Variants in LRRC71 observed in about 807,000 individuals in gnomAD.
LRRC71 encodes leucine-rich repeat-containing protein 71.
A neutral mutation model predicts 66.6 loss-of-function variants in LRRC71; 54 were observed. The observed-to-expected ratio is 0.81, with a 90% CI of 0.65 to 1.02. The LOEUF (loss-of-function observed/expected upper bound fraction) is 1.02. Among genes scored for constraint, LRRC71 ranks in the 50% least tolerant of loss-of-function variants. LRRC71 has a pLI of 0.00. For synonymous variants in LRRC71, 323 were observed against 303.9 expected (o/e 1.06, Z -0.65); for missense variants, 724 against 718.0 (o/e 1.01, Z -0.10).
the LRRC71 span, chr1:156,938,808 G>C: frequency 2.4e-6 from 1 of 411,582 alleles, no homozygotes. Flanking sequence ...TGGAATCCCA[G>C]GGGAGGGCAG....
rs991260805 is a variant in LRRC71, at chr1:156,931,902, T to C, written c.1330-14T>C. The C allele has an allele frequency of 6.4e-7, 1 of 1,562,472 alleles. No homozygotes were observed. Among genetic ancestry groups the C allele is most frequent in the African/African-American group, 1.4e-5 (1 of 73,782 alleles). ...CCCCTGCTGTCTGCTGCAATTAGTA[T>C]TCTGCTTTAGCAGCTGGTTGTTGAG... On this transcript the variant is annotated splice_polypyrimidine_tract_variant and intron_variant, in intron 12 of 14. Transcript: ENST00000337428.
chr1:156,925,863 A>G (rs186102173), intron 5 of LRRC71, among the ~76,000 whole-genome samples: 18 of 152,366 alleles, frequency 1.2e-4, no homozygotes, highest in Admixed American at 4.6e-4. Flanking sequence ...TCTGTGTAAA[A>G]CACCATGAAA....
chr1:156,936,497 A>AATATATATATAT (rs1553192804), downstream of LRRC71, among the ~76,000 whole-genome samples: 68 of 33,894 alleles, frequency 2.0e-3, no homozygotes, highest in South Asian at 4.9e-3. Flanking sequence ...AAAAAAAAAA[A>AATATATATATAT]ATATATATAT....
chr1:156,939,869 C>A, the LRRC71 span: 1 of 1,610,064 alleles, frequency 6.2e-7, no homozygotes, highest in Non-Finnish European at 8.5e-7. Flanking sequence ...ATGGTGTGAC[C>A]TGGCAGCAGG....
At chr1:156,937,165 C>T (rs932794281), downstream of LRRC71, 22 of 1,591,356 alleles carry the variant, frequency 1.4e-5, no homozygotes, top group Admixed American at 5.2e-5. Flanking sequence ...AGGGCTCCCG[C>T]GAAGACACAC....
the LRRC71 span, chr1:156,940,108 A>T: frequency 7.0e-7 from 1 of 1,437,274 alleles, no homozygotes; most frequent in Non-Finnish European, 9.4e-7. Context: ...GCACACCAGG[A>T]AGAGCCTTCG....
chr1:156,925,343 G>A (rs541577646), intron 5 of LRRC71, among the ~76,000 whole-genome samples: 1 of 152,336 alleles, frequency 6.6e-6, no homozygotes, highest in Admixed American at 6.5e-5. Flanking sequence ...GCCCTGTACT[G>A]GGGGCTGGTA....
chr1:156,930,511 C>T lies in LRRC71; in HGVS notation c.1241-18C>T. The T allele has an allele frequency of 6.5e-7, 1 of 1,550,360 alleles. No individual in the cohort carries two copies. Among genetic ancestry groups the T allele is most frequent in the Non-Finnish European group, 8.7e-7 (1 of 1,145,232 alleles). ...CAGAAGTGTGCACTGTGCATTCTGGCTCCTCTTCTGGCCCCAGAGGTAACC... is the reference window on the plus strand; with the variant it reads ...CAGAAGTGTGCACTGTGCATTCTGGTTCCTCTTCTGGCCCCAGAGGTAACC... On this transcript the variant is annotated intron_variant, in intron 11 of 14. Coordinates refer to ENST00000337428, the MANE Select transcript of LRRC71 (RefSeq NM_144702.3).
rs1215970425 is a variant in LRRC71, at chr1:156,930,584, CAG to C, written c.1302_1303del (p.Lys435AlafsTer12). 1.9e-6 allele frequency: 3 copies of C among 1,568,948 alleles called. No homozygotes were observed. Among genetic ancestry groups the C allele is most frequent in the Admixed American group, 3.8e-5 (2 of 53,242 alleles). On this transcript the variant is annotated frameshift_variant, in exon 12 of 15. Transcript: ENST00000337428. LOFTEE classifies it high-confidence loss of function. ...GGGCAAAAGGGATCAAGATCGGGAG[CAG>C]AGAGAAGCGCAGCATCCTCCTGGAG... ...SRAKGIKIGS[R>X]EKRSILLESE...
rs1456881388 is a variant in LRRC71, at chr1:156,933,027, G to A, written c.*58G>A. The A allele has an allele frequency of 7.6e-7, 1 of 1,315,638 alleles. No individual in the cohort carries two copies. Among genetic ancestry groups the A allele is most frequent in the African/African-American group, 1.5e-5 (1 of 67,666 alleles). 81.5% of individuals were successfully genotyped at this position (1,315,638 alleles called of 1,614,324 possible). On this transcript the variant is annotated 3_prime_UTR_variant, in exon 15 of 15. Coordinates refer to ENST00000337428, the MANE Select transcript of LRRC71 (RefSeq NM_144702.3). ...GGCTACAGAAGCACCTCCTGTCCCT[G>A]TGTGGGGTGACCTCCCTGGGGGAGA...
In LRRC71 at chr1:156,924,567, C is replaced by T; in HGVS notation, c.439+15C>T. On this transcript the variant is annotated intron_variant, in intron 3 of 14. Transcript: ENST00000337428. ...CTACATCCGCGGTGAGCCCCGCTCC[C>T]CCCACCCGCCCCAGCTCCCTCCCGC... The T allele has an allele frequency of 6.4e-7, 1 of 1,551,536 alleles. No individual in the cohort carries two copies. The highest frequency in any genetic ancestry group is 8.7e-7 in the Non-Finnish European group (1 of 1,146,896).
the LRRC71 span, among the ~76,000 whole-genome samples, chr1:156,938,265 C>T: frequency 3.3e-5 from 5 of 152,154 alleles, no homozygotes; most frequent in South Asian, 2.1e-4. Flanking sequence ...CAGATCTCCC[C>T]GTCTTTAGAG....
chr1:156,929,620 C>A lies in LRRC71; in HGVS notation c.1147-16C>A. ...CGGAGGTGGGACTTGCCCCTCTCTT[C>A]TCACATTCTCCACAGGAATTGGCCA... is the stretch of plus-strand genomic sequence containing the variant. On this transcript the variant is annotated splice_polypyrimidine_tract_variant and intron_variant, in intron 10 of 14. Transcript: ENST00000337428. The A allele has an allele frequency of 6.4e-7, 1 of 1,572,760 alleles. No individual in the cohort carries two copies. The highest frequency in any genetic ancestry group is 8.6e-7 in the Non-Finnish European group (1 of 1,159,336).
chr1:156,937,979 G>A (rs1250013033), downstream of LRRC71, among the ~76,000 whole-genome samples: 1 of 152,228 alleles, frequency 6.6e-6, no homozygotes, highest in Non-Finnish European at 1.5e-5. Context: ...GAGAGCTGGA[G>A]GAAGGACGTG....
chr1:156,927,741 G>C lies in LRRC71; in HGVS notation c.831G>C (p.Arg277=), dbSNP rs774507091. Residue 277 remains arginine (R), a synonymous_variant, in exon 8 of 15, where the codon CGG becomes CGC. Transcript: ENST00000337428. Reference sequence around the variant, plus strand: ...CCCTGCCCGCCTCTTAGGGCCTCCGGCTGAACCGTTCCCTGCTCTGGCTGT... The same window carrying C: ...CCCTGCCCGCCTCTTAGGGCCTCCGCCTGAACCGTTCCCTGCTCTGGCTGT... ...EGAGYIADGL[R]LNRSLLWLSL... 1.9e-6 allele frequency: 3 copies of C among 1,609,550 alleles called. No individual in the cohort carries two copies. The highest frequency in any genetic ancestry group is 2.5e-6 in the Non-Finnish European group (3 of 1,179,728).
At chr1:156,934,452 G>A (rs1370933644), downstream of LRRC71, among the ~76,000 whole-genome samples, 1 of 152,102 alleles carries the variant, frequency 6.6e-6, no homozygotes, top group African/African-American at 2.4e-5. Context: ...GGCTTTTAAA[G>A]TCTTCAAGCT....
chr1:156,922,808 C>G (rs1652589475), intron 1 of LRRC71, among the ~76,000 whole-genome samples: 1 of 152,204 alleles, frequency 6.6e-6, no homozygotes, highest in African/African-American at 2.4e-5. Flanking sequence ...ATTGTTTTAG[C>G]AGGCTCTCCA....
downstream of LRRC71, among the ~76,000 whole-genome samples, chr1:156,936,558 G>A (rs887268600): frequency 2.9e-5 from 4 of 139,280 alleles, no homozygotes; most frequent in African/African-American, 1.1e-4. Context: ...TTAGAGGTGA[G>A]AACAGGCTCC....
intron 9 of LRRC71, among the ~76,000 whole-genome samples, chr1:156,928,563 CTTT>C (rs58180096): frequency 0.018 from 1,454 of 80,124 alleles, 16 homozygotes; most frequent in South Asian, 0.036. Flanking sequence ...CTTCTTCTTA[CTTT>C]TTTTTTTTTT....
Sources: gnomAD v4.1 joint callset for allele counts (sites outside exome capture counted in the v4.1 genomes callset) on GRCh38, gnomAD v4.1.1 for gene constraint, MANE v1.5 for transcripts, NCBI Gene and HGNC (gene_info 2026-07-23, HGNC 2026-07-21) for gene names.